The following EMSY variants were observed in gnomAD, a reference collection of about 807,000 sequenced individuals.
The protein encoded by EMSY is EMSY transcriptional repressor, BRCA2 interacting.
EMSY carries 26 observed loss-of-function variants against 134.6 expected under a neutral mutation model. That is an observed-to-expected ratio of 0.19 (90% CI 0.14 to 0.27). The LOEUF (loss-of-function observed/expected upper bound fraction) is 0.27. Ranked by LOEUF, EMSY falls within the 10% of genes least tolerant of loss-of-function variation. EMSY has a pLI of 1.00. For missense variants in EMSY, 1,305 were observed against 1,611.4 expected (o/e 0.81, Z 3.26); for synonymous variants, 579 against 577.8 (o/e 1.00, Z -0.03).
At position 76,531,874 on chromosome 11, in the gene EMSY, C is replaced by T. The variant is rs576966764; in HGVS notation, c.2194+3408C>T. ...TACACAAGTCCTGGAATAAGGACTA[C>T]GTATGCCAAGAGAATGCCTTGATTC... On this transcript the variant is annotated intron_variant, in intron 14 of 20. Transcript: ENST00000334736. Among the ~76,000 whole-genome samples, 129 of 152,190 alleles carry T rather than the reference C, an allele frequency of 8.5e-4. 2 individuals are homozygous for T. Among genetic ancestry groups the T allele is most frequent in the Middle Eastern group, 3.4e-3 (1 of 292 alleles).
At chr11:76,446,878 C>CTT in intron 1 of EMSY, 22 bp from the exon 2 acceptor site, 172 of 1,165,854 alleles carry the variant, frequency 1.5e-4, no homozygotes, top group Admixed American at 1.9e-4. Context: ...GGTAATTTGA[C>CTT]TTTTTTTTTT....
chr11:76,487,614 G>A (rs772029814), intron 8 of EMSY, among the ~76,000 whole-genome samples: 11 of 152,206 alleles, frequency 7.2e-5, no homozygotes, highest in African/African-American at 1.9e-4. Flanking sequence ...ACCGCAGATC[G>A]TCCACATGGG....
chr11:76,520,044 A>G (rs902396980), intron 11 of EMSY, among the ~76,000 whole-genome samples: 1 of 152,148 alleles, frequency 6.6e-6, no homozygotes, highest in Non-Finnish European at 1.5e-5. Flanking sequence ...CTGTGAAAGC[A>G]TAGAGGGTGA....
chr11:76,541,475 C>T (rs773307115), intron 17 of EMSY, among the ~76,000 whole-genome samples: 38 of 152,058 alleles, frequency 2.5e-4, no homozygotes, highest in Admixed American at 1.0e-3. Flanking sequence ...TTCATTTGGT[C>T]CTCTTCTAGG....
chr11:76,472,558 C>T lies in EMSY; in HGVS notation c.832-6C>T, dbSNP rs771835362. ...ACATAAAAATAACTTATTTTTTATT[C>T]CTTAGGTTATTATAGTCACCACATC... is the stretch of plus-strand genomic sequence containing the variant. On this transcript the variant is annotated splice_region_variant and splice_polypyrimidine_tract_variant and intron_variant, in intron 7 of 20. Coordinates refer to ENST00000334736, the Ensembl canonical transcript of EMSY. 3.7e-5 allele frequency: 60 copies of T among 1,609,732 alleles called. No individual in the cohort carries two copies. Among genetic ancestry groups the T allele is most frequent in the Non-Finnish European group, 4.8e-5 (57 of 1,176,770 alleles).
intron 14 of EMSY, among the ~76,000 whole-genome samples, chr11:76,529,382 A>G (rs1461758474): frequency 6.6e-6 from 1 of 152,198 alleles, no homozygotes; most frequent in Non-Finnish European, 1.5e-5. Flanking sequence ...TGCAAACACT[A>G]GTATTTTAAC....
intron 20 of EMSY, among the ~76,000 whole-genome samples, chr11:76,549,157 G>C (rs924035162): frequency 4.6e-5 from 7 of 152,204 alleles, no homozygotes; most frequent in African/African-American, 1.4e-4. Flanking sequence ...GAACCAAGTT[G>C]CAGATGACAG....
At chr11:76,475,060 G>T (rs7107442) in intron 8 of EMSY, among the ~76,000 whole-genome samples, 1 of 152,014 alleles carries the variant, frequency 6.6e-6, no homozygotes, top group South Asian at 2.1e-4. Flanking sequence ...CACCATGCCC[G>T]GCCTAAATAT....
At chr11:76,491,763 C>G (rs1949434763) in intron 8 of EMSY, among the ~76,000 whole-genome samples, 1 of 150,930 alleles carries the variant, frequency 6.6e-6, no homozygotes, top group Admixed American at 6.6e-5. Flanking sequence ...AGTGTAGATG[C>G]TCTCCTCCTC....
At chr11:76,446,568 A>C (rs1947420463) in intron 1 of EMSY, among the ~76,000 whole-genome samples, 1 of 152,118 alleles carries the variant, frequency 6.6e-6, no homozygotes, top group African/African-American at 2.4e-5. Context: ...AGAACTTTAT[A>C]TATAGTGTTC....
At chr11:76,496,768 C>G (rs1249710234) in intron 9 of EMSY, 1 of 394,330 alleles carries the variant, frequency 2.5e-6, no homozygotes, top group Non-Finnish European at 4.7e-6. Context: ...GCTGAACTCA[C>G]TTGTTCTCAG....
At chr11:76,494,660 TTCCTTCCTTCCTTCCTTCCTTCCTTCC>T (rs1949560446) in intron 8 of EMSY, among the ~76,000 whole-genome samples, 2 of 2,610 alleles carry the variant, frequency 7.7e-4, no homozygotes, top group South Asian at 0.016. Context: ...CCTTCCTTCC[TTCCTTCCTTCCTTCCTTCCTTCCTTCC>T]TTCCTTCCTT....
At chr11:76,454,395 A>T (rs977255952) in intron 4 of EMSY, among the ~76,000 whole-genome samples, 11 of 151,970 alleles carry the variant, frequency 7.2e-5, no homozygotes, top group African/African-American at 2.7e-4. Context: ...GAAATTTGGG[A>T]ATTTTCTATT....
chr11:76,505,765 G>A (rs964811616), intron 9 of EMSY, among the ~76,000 whole-genome samples: 3 of 152,022 alleles, frequency 2.0e-5, no homozygotes, highest in Non-Finnish European at 4.4e-5. Flanking sequence ...GCTGAGGCAG[G>A]AGAATCGCGT....
intron 9 of EMSY, among the ~76,000 whole-genome samples, chr11:76,510,866 G>A (rs1950250148): frequency 6.6e-6 from 1 of 152,212 alleles, no homozygotes; most frequent in Admixed American, 6.5e-5. Flanking sequence ...TGTACCCCTT[G>A]CTGAGCTAGT....
At chr11:76,494,712 TTCCTTCCTTCCTTCCTTCCTTCCTTTCC>T (rs1949574951) in intron 8 of EMSY, among the ~76,000 whole-genome samples, 1 of 78,418 alleles carries the variant, frequency 1.3e-5, no homozygotes, top group African/African-American at 4.8e-5. Flanking sequence ...CCTTCCTTCC[TTCCTTCCTTCCTTCCTTCCTTCCTTTCC>T]TTCCTTCCTT....
rs1950207731 is a variant in EMSY, at chr11:76,509,726, T to C, written c.1364-3660T>C. Among the ~76,000 whole-genome samples, 4 of 152,120 alleles carry C rather than the reference T, an allele frequency of 2.6e-5. No individual in the cohort carries two copies. In the South Asian group the frequency reaches 8.3e-4, roughly 32 times the overall value. On this transcript the variant is annotated intron_variant, in intron 9 of 20. Transcript: ENST00000334736. ...TACAAGTGTGTAAAGAGGGGAGGTATAAGAATCCATATTTAAATTTTCTTG... is the reference window on the plus strand; with the variant it reads ...TACAAGTGTGTAAAGAGGGGAGGTACAAGAATCCATATTTAAATTTTCTTG...
intron 12 of EMSY, 127 bp downstream of exon 13, chr11:76,523,418 A>T: frequency 9.6e-7 from 1 of 1,045,278 alleles, no homozygotes; most frequent in Non-Finnish European, 1.3e-6. Flanking sequence ...CACTGCTGGG[A>T]TATAACAACT....
rs761943951 is a variant in EMSY, at chr11:76,453,300, A to G, written c.171-14A>G. ...TGCTTGGCAGAGTTCTATAATGGCT[A>G]TTTTTCTTCATAGCATCTCAACAGA... On this transcript the variant is annotated splice_polypyrimidine_tract_variant and intron_variant, in intron 3 of 20. Coordinates refer to ENST00000334736, the Ensembl canonical transcript of EMSY. 5 of 1,610,820 alleles carry G rather than the reference A, an allele frequency of 3.1e-6. No individual in the cohort carries two copies. In the African/African-American group the frequency reaches 5.3e-5, roughly 17 times the overall value.
Sources: allele counts gnomAD v4.1 joint callset (sites outside exome capture counted in the v4.1 genomes callset), GRCh38; gene constraint gnomAD v4.1.1; transcripts MANE v1.5; gene names NCBI Gene and HGNC (gene_info 2026-07-23, HGNC 2026-07-21).